Variants in POC1A observed in about 807,000 individuals in gnomAD.
POC1A encodes the protein POC1 centriolar protein homolog A.
Under a neutral mutation model 47.8 loss-of-function variants are expected in POC1A, and 34 were observed. That is an observed-to-expected ratio of 0.71 (90% CI 0.54 to 0.95). The LOEUF is 0.95. Ranked by LOEUF, POC1A falls within the 40% of genes least tolerant of loss-of-function variation. The probability of loss-of-function intolerance (pLI) is 0.00; values close to 1 mark genes in which losing one functional copy is unlikely to be tolerated. For synonymous variants in POC1A, 177 were observed against 207.6 expected (o/e 0.85, Z 1.27); for missense variants, 466 against 528.3 (o/e 0.88, Z 1.16).
At chr3:52,077,439 G>A (rs1318517490) in intron 10 of POC1A, among the ~76,000 whole-genome samples, 3 of 152,244 alleles carry the variant, frequency 2.0e-5, no homozygotes, top group African/African-American at 7.2e-5. Flanking sequence ...GCTCCGCCTG[G>A]TGGCTGGCCC....
At chr3:52,120,326 C>T (rs1303793548) in intron 9 of POC1A, among the ~76,000 whole-genome samples, 1 of 152,180 alleles carries the variant, frequency 6.6e-6, no homozygotes, top group Non-Finnish European at 1.5e-5. Context: ...GCCTGGGAGT[C>T]CTCAGATTAG....
intron 8 of POC1A, among the ~76,000 whole-genome samples, 195 bp downstream of exon 8, chr3:52,124,918 G>C (rs1030241843): frequency 2.0e-5 from 3 of 152,210 alleles, no homozygotes; most frequent in Non-Finnish European, 4.4e-5. Flanking sequence ...ACCTGCAGGA[G>C]GCCCATTCTG....
Position 52,125,122 on chromosome 3 carries a change from A to C in POC1A, c.873T>G (p.Ser291=). 1 of 1,611,704 alleles carries C rather than the reference A, an allele frequency of 6.2e-7. No homozygotes were observed. The highest frequency in any genetic ancestry group is 8.5e-7 in the Non-Finnish European group (1 of 1,177,786). The change falls in exon 8 of 11, where the codon TCT becomes TCG. Residue 291 remains serine (S), a synonymous_variant. Transcript: ENST00000296484. The stretch of plus-strand genomic sequence containing the variant: ...ACTACTCTTTACTTACTTGTTCATC[A>C]GAGCCTCCAGAAGCAAAATACTCCC... ...RTGEYFASGG[S]DEQVMVWKSN... is the part of the protein sequence containing the mutation.
At position 52,138,304 on chromosome 3, in the gene POC1A, T is replaced by C; in HGVS notation, c.680-2A>G. 2.5e-6 allele frequency: 4 copies of C among 1,610,062 alleles called. No individual in the cohort carries two copies. The highest frequency in any genetic ancestry group is 3.4e-6 in the Non-Finnish European group (4 of 1,178,018). The stretch of plus-strand genomic sequence containing the variant: ...GCCCGTTCACTGCTGCACTGTGCAC[T>C]GGGGGAAGGACATCAGTCAGGTGCT... On this transcript the variant is annotated splice_acceptor_variant, in intron 6 of 10. Coordinates refer to ENST00000296484, the MANE Select transcript of POC1A (RefSeq NM_015426.5). LOFTEE classifies it high-confidence loss of function.
At chr3:52,114,105 A>C (rs1026368706) in intron 9 of POC1A, among the ~76,000 whole-genome samples, 1 of 152,272 alleles carries the variant, frequency 6.6e-6, no homozygotes, top group Non-Finnish European at 1.5e-5. Context: ...TCAGACCAGC[A>C]TACTAGGGCA....
chr3:52,104,887 G>A (rs1415333463), intron 9 of POC1A, among the ~76,000 whole-genome samples: 3 of 152,234 alleles, frequency 2.0e-5, no homozygotes, highest in African/African-American at 7.2e-5. Flanking sequence ...CAGGAGCAAG[G>A]TCTGCACACA....
At chr3:52,109,797 C>T (rs543126494) in intron 9 of POC1A, among the ~76,000 whole-genome samples, 4 of 152,188 alleles carry the variant, frequency 2.6e-5, no homozygotes, top group Admixed American at 2.6e-4. Context: ...ATTTTTTTTC[C>T]ATGGCAACCA....
At chr3:52,123,512 G>A (rs564132845) in intron 8 of POC1A, among the ~76,000 whole-genome samples, 3 of 152,212 alleles carry the variant, frequency 2.0e-5, no homozygotes, top group African/African-American at 4.8e-5. Context: ...TGTGAGCCTC[G>A]TTCTTCAGGA....
intron 9 of POC1A, among the ~76,000 whole-genome samples, chr3:52,113,531 T>G (rs1703453057): frequency 6.6e-6 from 1 of 152,172 alleles, no homozygotes; most frequent in Non-Finnish European, 1.5e-5. Context: ...GGTGAAACAC[T>G]GTCTCTACTA....
At chr3:52,131,040 C>T (rs927146123) in intron 7 of POC1A, among the ~76,000 whole-genome samples, 2 of 152,018 alleles carry the variant, frequency 1.3e-5, no homozygotes, top group African/African-American at 4.8e-5. Context: ...GTGGCGGGGG[C>T]GCATGGCACC....
intron 10 of POC1A, 49 bp from the exon 11 acceptor site, chr3:52,076,034 T>C: frequency 6.9e-7 from 1 of 1,447,426 alleles, no homozygotes; most frequent in East Asian, 2.3e-5. Context: ...GCCGCCAGGC[T>C]GCTCTAGGGA....
intron 1 of POC1A, 104 bp from the exon 2 acceptor site, chr3:52,151,204 C>T: frequency 6.5e-7 from 1 of 1,543,014 alleles, no homozygotes; most frequent in Admixed American, 2.0e-5. Flanking sequence ...GTTAAAAATG[C>T]TCAAGGCATG....
At chr3:52,085,560 G>A (rs1702433172) in intron 10 of POC1A, among the ~76,000 whole-genome samples, 1 of 152,082 alleles carries the variant, frequency 6.6e-6, no homozygotes, top group Admixed American at 6.5e-5. Context: ...TCCTACCCTA[G>A]GAGCCTCCTT....
At chr3:52,124,722 C>T (rs374937843) in intron 8 of POC1A, among the ~76,000 whole-genome samples, 1 of 152,290 alleles carries the variant, frequency 6.6e-6, no homozygotes, top group East Asian at 1.9e-4. Context: ...AGGTATGAAG[C>T]TCTTGTCACA....
chr3:52,149,443 C>A, intron 3 of POC1A, 54 bp from the exon 4 acceptor site: 2 of 1,538,792 alleles, frequency 1.3e-6, no homozygotes, highest in Non-Finnish European at 1.8e-6. Flanking sequence ...ACATGAGAGC[C>A]CACAAGCACA....
intron 7 of POC1A, among the ~76,000 whole-genome samples, chr3:52,132,798 A>C (rs1183879346): frequency 6.6e-6 from 1 of 152,164 alleles, no homozygotes; most frequent in African/African-American, 2.4e-5. Context: ...TAATCCCAGC[A>C]CTTTGGGAGA....
In POC1A at chr3:52,092,256, G is replaced by T. The variant is rs192747392; in HGVS notation, c.1125+4313C>A. ...GTGACCTAAGGGACTCGGCCTGCTG[G>T]GCTCTCTGATCACAGAGCCCTGGGC... On this transcript the variant is annotated intron_variant, in intron 10 of 10. Coordinates refer to ENST00000296484, the MANE Select transcript of POC1A (RefSeq NM_015426.5). Among the ~76,000 whole-genome samples the T allele has an allele frequency of 2.0e-5, 3 of 152,266 alleles. No homozygotes were observed. The East Asian group carries it at 5.8e-4, about 29-fold the overall frequency.
intron 9 of POC1A, among the ~76,000 whole-genome samples, chr3:52,110,684 A>C (rs543452768): frequency 6.6e-6 from 1 of 152,288 alleles, no homozygotes; most frequent in African/African-American, 2.4e-5. Context: ...TATTGGCAAA[A>C]AGGCAGTGTC....
At chr3:52,103,474 C>T (rs547310620) in intron 9 of POC1A, among the ~76,000 whole-genome samples, 3 of 152,180 alleles carry the variant, frequency 2.0e-5, no homozygotes, top group East Asian at 3.9e-4. Context: ...TGTAGTGAGT[C>T]GAGAATATGC....
Sources: gnomAD v4.1 joint callset for allele counts (sites outside exome capture counted in the v4.1 genomes callset) on GRCh38, gnomAD v4.1.1 for gene constraint, MANE v1.5 for transcripts, NCBI Gene and HGNC (gene_info 2026-07-23, HGNC 2026-07-21) for gene names.